The following IQSEC1 variants were observed in gnomAD, a reference collection of about 807,000 sequenced individuals.
IQSEC1 encodes IQ motif and SEC7 domain-containing protein 1.
Under a neutral mutation model 91.0 loss-of-function variants are expected in IQSEC1, and 31 were observed. That is an observed-to-expected ratio of 0.34 (90% CI 0.26 to 0.46). The LOEUF is 0.46. Ranked by LOEUF, IQSEC1 falls within the 20% of genes least tolerant of loss-of-function variation. IQSEC1 has a pLI of 1.00. For missense variants in IQSEC1, 1,388 were observed against 1,575.6 expected (o/e 0.88, Z 2.02); for synonymous variants, 699 against 662.6 (o/e 1.05, Z -0.84).
rs137863403 is a variant in IQSEC1 at position 12,922,226 on chromosome 3, T to C, written c.1747A>G (p.Met583Val). Reference protein sequence around the residue: ...RDVLDCVVDEMDFSTMELDEA... With the variant: ...RDVLDCVVDEVDFSTMELDEA... ...TCCAGCTCCATGGTAGAGAAGTCCA[T>C]CTCGTCCACGACGCAGCTGGAATAG... The change falls in exon 5 of 14, where the codon ATG becomes GTG. Residue 583 changes from methionine (M) to valine (V), a missense_variant. Met to Val is a conservative substitution (Grantham distance 21). Coordinates refer to ENST00000613206, the MANE Select transcript of IQSEC1 (RefSeq NM_001134382.3). This position sits in a 1 kb window ranked among gnomAD's most constrained non-coding sequence, Gnocchi z 5.1. The C allele has an allele frequency of 3.8e-6, 6 of 1,596,598 alleles. No individual in the cohort carries two copies. The highest frequency in any genetic ancestry group is 1.1e-5 in the South Asian group (1 of 90,190).
intron 1 of IQSEC1, among the ~76,000 whole-genome samples, chr3:13,275,312 A>C (rs1337438787): frequency 6.6e-6 from 1 of 151,170 alleles, no homozygotes; most frequent in Admixed American, 6.6e-5. Context: ...TCCAAGAGGG[A>C]AAGCTGAACA....
chr3:12,966,616 G>A (rs1700587826), intron 1 of IQSEC1, among the ~76,000 whole-genome samples: 1 of 152,178 alleles, frequency 6.6e-6, no homozygotes, highest in African/African-American at 2.4e-5. Flanking sequence ...CCCCTAAGTA[G>A]AAAAGGGTTG....
intron 1 of IQSEC1, among the ~76,000 whole-genome samples, chr3:13,018,574 AC>A (rs1703251630): frequency 6.6e-6 from 1 of 152,182 alleles, no homozygotes; most frequent in Non-Finnish European, 1.5e-5. Context: ...ACTGCCCTGT[AC>A]CCAGAGCAAG....
chr3:12,901,028 G>T lies in IQSEC1; in HGVS notation c.3300C>A (p.Pro1100=), dbSNP rs540357349. 1.3e-6 allele frequency: 2 copies of T among 1,543,904 alleles called. No individual in the cohort carries two copies. Among genetic ancestry groups the T allele is most frequent in the Admixed American group, 2.0e-5 (1 of 50,992 alleles). ...CGCTGGGTTTGGCCTTGCTGCTGGTGGGGGGCGGCGGGGCAGGGGGCTGCC... is the reference window on the plus strand; with the variant it reads ...CGCTGGGTTTGGCCTTGCTGCTGGTTGGGGGCGGCGGGGCAGGGGGCTGCC... ...HHGQPPAPPP[P]TSSKAKPSGI... Residue 1100 remains proline, a synonymous_variant, in exon 14 of 14, where the codon CCC becomes CCA. Transcript: ENST00000613206.
chr3:12,902,977 T>C (rs1384906053), intron 12 of IQSEC1, among the ~76,000 whole-genome samples, 155 bp from the exon 13 acceptor site: 1 of 150,316 alleles, frequency 6.7e-6, no homozygotes. Context: ...GTGTGAGGGG[T>C]CGGAGGAGGG....
At chr3:12,910,592 C>T (rs572283749) in intron 10 of IQSEC1, among the ~76,000 whole-genome samples, 2 of 152,340 alleles carry the variant, frequency 1.3e-5, no homozygotes, top group South Asian at 2.1e-4. Flanking sequence ...GGTGGGGAGG[C>T]GGCCAGGGCA....
intron 6 of IQSEC1, among the ~76,000 whole-genome samples, chr3:12,919,068 G>A (rs1696370411): frequency 6.6e-6 from 1 of 150,390 alleles, no homozygotes. Context: ...CCATGAGAAG[G>A]GAGGCTCAGG....
At chr3:12,912,917 C>T (rs1343787967) in intron 9 of IQSEC1, among the ~76,000 whole-genome samples, 1 of 152,202 alleles carries the variant, frequency 6.6e-6, no homozygotes, top group Non-Finnish European at 1.5e-5. Context: ...CTCAGGGCTC[C>T]AGGAGGTGGG....
At chr3:13,220,470 C>T (rs1198700237) in intron 1 of IQSEC1, among the ~76,000 whole-genome samples, 1 of 152,248 alleles carries the variant, frequency 6.6e-6, no homozygotes, top group Non-Finnish European at 1.5e-5. Flanking sequence ...CGCTCTGTGG[C>T]CATCATCTAG....
intron 6 of IQSEC1, among the ~76,000 whole-genome samples, chr3:12,919,377 A>C (rs1696401788): frequency 6.6e-6 from 1 of 152,156 alleles, no homozygotes; most frequent in African/African-American, 2.4e-5. Flanking sequence ...AGGTGGCAGA[A>C]CCACTCAGGT....
rs537449442 is a variant in IQSEC1 at position 12,998,946 on chromosome 3, C to A, written c.24-57081G>T. Among the ~76,000 whole-genome samples, 8 of 152,010 alleles carry A rather than the reference C, an allele frequency of 5.3e-5. No homozygotes were observed. The East Asian group carries it at 1.4e-3, about 26-fold the overall frequency. ...GTTTCCCAACATGAAGCTTTGCCCC[C>A]CTAGACGTCTTCGTGCCCTGGGGGA... On this transcript the variant is annotated intron_variant, in intron 1 of 13. Coordinates refer to ENST00000613206, the MANE Select transcript of IQSEC1 (RefSeq NM_001134382.3).
intron 1 of IQSEC1, among the ~76,000 whole-genome samples, chr3:13,049,676 T>C (rs1293527926): frequency 6.6e-6 from 1 of 152,194 alleles, no homozygotes; most frequent in East Asian, 1.9e-4. Flanking sequence ...GACTCCTTTC[T>C]TCCTTCTTCC....
At chr3:13,254,290 G>T (rs1465549026) in intron 1 of IQSEC1, among the ~76,000 whole-genome samples, 1 of 152,200 alleles carries the variant, frequency 6.6e-6, no homozygotes, top group Non-Finnish European at 1.5e-5. Flanking sequence ...GACGCACTGG[G>T]GTCCTGAGGC....
At chr3:13,133,466 G>T (rs752440154) in intron 2 of IQSEC1, among the ~76,000 whole-genome samples, 16 of 152,174 alleles carry the variant, frequency 1.1e-4, no homozygotes, top group Non-Finnish European at 2.1e-4. Flanking sequence ...CCACGGAAAT[G>T]TCAGCGAGGC....
chr3:13,242,507 G>A (rs1008706933), intron 1 of IQSEC1, among the ~76,000 whole-genome samples: 2 of 152,174 alleles, frequency 1.3e-5, no homozygotes, highest in East Asian at 1.9e-4. Flanking sequence ...CTCCATTAGC[G>A]GCACCCATGC....
In IQSEC1 at chr3:13,193,440, G is replaced by T. The variant is rs1407912721; in HGVS notation, c.273-29307C>A. ...GAAAGAGCTCTCTGGCTACAGAGTG[G>T]TGACCACAGGAAGGGGAGCACGCTG... On this transcript the variant is annotated intron_variant, in intron 1 of 15. Coordinates refer to the IQSEC1 transcript ENST00000648114. This position sits in a 1 kb window ranked among gnomAD's most constrained non-coding sequence, Gnocchi z 4.2. 6.6e-6 allele frequency among the ~76,000 whole-genome samples: 1 copy of T among 152,200 alleles called. No homozygotes were observed. The highest frequency in any genetic ancestry group is 1.5e-5 in the Non-Finnish European group (1 of 68,026).
intron 1 of IQSEC1, among the ~76,000 whole-genome samples, chr3:12,988,613 C>G (rs1017592895): frequency 1.3e-5 from 2 of 151,804 alleles, no homozygotes; most frequent in Non-Finnish European, 2.9e-5. Flanking sequence ...ATAGGTGGTA[C>G]GACAGGAAGG....
chr3:13,171,161 C>T (rs1249779856), intron 1 of IQSEC1, among the ~76,000 whole-genome samples: 4 of 152,052 alleles, frequency 2.6e-5, no homozygotes, highest in South Asian at 2.1e-4. Flanking sequence ...TGAGGAAATC[C>T]GCAGTGTCAC....
chr3:13,255,944 T>G (rs1695278019), intron 1 of IQSEC1, among the ~76,000 whole-genome samples: 1 of 152,072 alleles, frequency 6.6e-6, no homozygotes, highest in African/African-American at 2.4e-5. Context: ...TTGTCACAAC[T>G]GGGGAACTGG....
Sources: allele counts gnomAD v4.1 joint callset (sites outside exome capture counted in the v4.1 genomes callset), GRCh38; gene constraint gnomAD v4.1.1; non-coding constraint Gnocchi (gnomAD v3.1); transcripts MANE v1.5; gene names NCBI Gene and HGNC (gene_info 2026-07-23, HGNC 2026-07-21).